Variants in PRDM2 observed in about 807,000 individuals in gnomAD.
PRDM2 encodes the protein PR domain zinc finger protein 2.
In PRDM2, 30 loss-of-function variants were observed where a neutral mutation model predicts 130.0. That is an observed-to-expected ratio of 0.23 (90% CI 0.17 to 0.31). PRDM2 has a LOEUF of 0.31. Among genes scored for constraint, PRDM2 ranks in the 10% least tolerant of loss-of-function variants. The probability of loss-of-function intolerance (pLI) is 1.00; values close to 1 mark genes in which losing one functional copy is unlikely to be tolerated. For synonymous variants in PRDM2, 871 were observed against 782.4 expected (o/e 1.11, Z -1.89); for missense variants, 2,011 against 2,108.4 (o/e 0.95, Z 0.90).
intron 8 of PRDM2, among the ~76,000 whole-genome samples, chr1:13,810,485 C>CT (rs1645153443): frequency 1.8e-5 from 2 of 111,492 alleles, no homozygotes; most frequent in Admixed American, 2.2e-4. Context: ...AGCTTGAGTT[C>CT]TTTTTTCTTT....
chr1:13,813,243 C>G (rs574357699), intron 8 of PRDM2, among the ~76,000 whole-genome samples: 1 of 152,336 alleles, frequency 6.6e-6, no homozygotes, highest in South Asian at 2.1e-4. Flanking sequence ...TGAGGTCACA[C>G]AGCTAGTGGG....
intron 4 of PRDM2, among the ~76,000 whole-genome samples, chr1:13,739,960 T>A (rs905478713): frequency 6.6e-6 from 1 of 152,240 alleles, no homozygotes; most frequent in Admixed American, 6.5e-5. Flanking sequence ...TTTAGTATTA[T>A]GAGGTTTTGG....
rs534163401 is a variant in PRDM2 at position 13,781,803 on chromosome 1, A to C, written c.4008A>C (p.Thr1336=). Reference sequence around the variant, plus strand: ...CTTTCACTACCGCCATTCGCTGCACAAAGTGTGGAAAAGGTGTCGACAATA... The same window carrying C: ...CTTTCACTACCGCCATTCGCTGCACCAAGTGTGGAAAAGGTGTCGACAATA... The part of the protein sequence containing the change: ...PQTFTTAIRC[T]KCGKGVDNMP... Residue 1336 remains threonine, a synonymous_variant, in exon 8 of 10, where the codon ACA becomes ACC. Transcript: ENST00000311066. This position sits in a 1 kb window ranked among gnomAD's most constrained non-coding sequence, Gnocchi z 6.1. 3.7e-6 allele frequency: 6 copies of C among 1,614,210 alleles called. No homozygotes were observed. Among genetic ancestry groups the C allele is most frequent in the Non-Finnish European group, 5.1e-6 (6 of 1,180,050 alleles).
chr1:13,818,898 T>G (rs1645302130), intron 9 of PRDM2, among the ~76,000 whole-genome samples: 1 of 152,012 alleles, frequency 6.6e-6, no homozygotes, highest in African/African-American at 2.4e-5. Flanking sequence ...AATGTTGAAA[T>G]GGACTGTAAG....
chr1:13,783,565 A>T (rs569630807), intron 8 of PRDM2, among the ~76,000 whole-genome samples: 3 of 152,302 alleles, frequency 2.0e-5, no homozygotes, highest in African/African-American at 7.2e-5. Flanking sequence ...CAGTAATGAT[A>T]GAAGGATTTG....
chr1:13,814,663 A>G (rs1051893062), intron 8 of PRDM2, among the ~76,000 whole-genome samples: 3 of 152,188 alleles, frequency 2.0e-5, no homozygotes, highest in African/African-American at 7.2e-5. Flanking sequence ...ATGAAAGCCA[A>G]CGATGTCTCC....
chr1:13,783,063 GC>G, intron 8 of PRDM2: 2 of 972,366 alleles, frequency 2.1e-6, no homozygotes, highest in Non-Finnish European at 3.0e-6. Flanking sequence ...CTTTAATGTG[GC>G]CAGATGTAAA....
At position 13,782,154 on chromosome 1, in the gene PRDM2, C is replaced by A. The variant is rs781220110; in HGVS notation, c.4359C>A (p.Ser1453=). ...KADLKNACES[S]SHICPYCNRE... ...ACTTGAAAAATGCTTGTGAGTCATC[C>A]TCTCACATCTGCCCTTACTGTAATC... Residue 1453 remains serine (S), a synonymous_variant, in exon 8 of 10, where the codon TCC becomes TCA. Coordinates refer to ENST00000311066, the MANE Select transcript of PRDM2 (RefSeq NM_001393986.1). The A allele has an allele frequency of 1.3e-5, 21 of 1,613,826 alleles. No individual in the cohort carries two copies. The South Asian group carries it at 1.9e-4, about 14-fold the overall frequency.
Position 13,782,058 on chromosome 1 carries a change from A to T in PRDM2, c.4263A>T (p.Ala1421=). ...CGTCGAATAAGCTCAAATTAAATGC[A>T]TTGAAGAAAAAAAATCAGCTAGTAC... ...KMSSNKLKLN[A]LKKKNQLVQK... The change falls in exon 8 of 10, where the codon GCA becomes GCT. Residue 1421 remains alanine, a synonymous_variant. Transcript: ENST00000311066. 1 of 1,614,154 alleles carries T rather than the reference A, an allele frequency of 6.2e-7. No homozygotes were observed. Among genetic ancestry groups the T allele is most frequent in the Non-Finnish European group, 8.5e-7 (1 of 1,180,032 alleles).
At chr1:13,807,784 T>C (rs181168253) in intron 8 of PRDM2, among the ~76,000 whole-genome samples, 85 of 152,326 alleles carry the variant, frequency 5.6e-4, no homozygotes, top group Admixed American at 2.9e-3. Context: ...GTATAGATAA[T>C]GCCCTTGCAT....
chr1:13,748,401 A>T (rs2100530220), intron 5 of PRDM2, among the ~76,000 whole-genome samples: 1 of 152,318 alleles, frequency 6.6e-6, no homozygotes, highest in Admixed American at 6.5e-5. Flanking sequence ...TCCTTTAAGG[A>T]AGAGCTTTCC....
intron 6 of PRDM2, among the ~76,000 whole-genome samples, chr1:13,763,625 C>T (rs1308949957): frequency 2.6e-5 from 4 of 152,066 alleles, no homozygotes; most frequent in Non-Finnish European, 5.9e-5. Context: ...TGTAAAACTG[C>T]GTATTTTACA....
chr1:13,706,344 T>C (rs928495062), intron 1 of PRDM2, among the ~76,000 whole-genome samples: 4 of 152,210 alleles, frequency 2.6e-5, no homozygotes, highest in Non-Finnish European at 4.4e-5. Context: ...TCCTAAAATA[T>C]TCAATTTTTC....
intron 6 of PRDM2, among the ~76,000 whole-genome samples, chr1:13,769,514 T>C (rs1398879505): frequency 6.6e-6 from 1 of 152,170 alleles, no homozygotes. Context: ...CCCACAAAAT[T>C]GAAGGCAGGA....
intron 8 of PRDM2, among the ~76,000 whole-genome samples, chr1:13,810,715 C>T (rs548972185): frequency 2.6e-5 from 4 of 151,722 alleles, no homozygotes; most frequent in East Asian, 2.0e-4. Context: ...AGGATGGTCT[C>T]GATCTCTTGA....
intron 6 of PRDM2, among the ~76,000 whole-genome samples, chr1:13,760,102 T>A (rs1451176834): frequency 6.6e-6 from 1 of 152,202 alleles, no homozygotes. Context: ...TAATGTAAAT[T>A]ACTGTTTGTA....
At chr1:13,713,313 A>C (rs1642429810) in intron 1 of PRDM2, among the ~76,000 whole-genome samples, 1 of 152,190 alleles carries the variant, frequency 6.6e-6, no homozygotes, top group Non-Finnish European at 1.5e-5. Context: ...GTGGGTGCTC[A>C]TGGGGAGGCA....
rs567503355 is a variant in PRDM2, at chr1:13,823,398, A to G, written c.*263A>G. On this transcript the variant is annotated 3_prime_UTR_variant, in exon 10 of 10. Coordinates refer to ENST00000311066, the MANE Select transcript of PRDM2 (RefSeq NM_001393986.1). Reference sequence around the variant, plus strand: ...CGACTCCACGCTGTCCTTTGGGATGATACTTGGATGCAGCTCTTGGGACCG... The same window carrying G: ...CGACTCCACGCTGTCCTTTGGGATGGTACTTGGATGCAGCTCTTGGGACCG... 590 of 592,062 alleles carry G rather than the reference A, an allele frequency of 1.0e-3. No individual in the cohort carries two copies. Among genetic ancestry groups the G allele is most frequent in the Non-Finnish European group, 1.5e-3 (487 of 327,910 alleles). The allele number at this position is 592,062 out of a possible 1,614,324, so 36.7% of individuals were successfully genotyped here.
At chr1:13,722,254 G>A (rs1414688766) in intron 2 of PRDM2, among the ~76,000 whole-genome samples, 1 of 152,128 alleles carries the variant, frequency 6.6e-6, no homozygotes, top group Non-Finnish European at 1.5e-5. Context: ...CGGTCGTTGC[G>A]AGTTGTTGGG....
Sources: gnomAD v4.1 joint callset for allele counts (sites outside exome capture counted in the v4.1 genomes callset) on GRCh38, gnomAD v4.1.1 for gene constraint, Gnocchi (gnomAD v3.1) non-coding constraint, MANE v1.5 for transcripts, NCBI Gene and HGNC (gene_info 2026-07-23, HGNC 2026-07-21) for gene names.